Variants in WWC1 observed in about 807,000 individuals in gnomAD.
The protein encoded by WWC1 is WW and C2 domain containing 1.
In WWC1, 55 loss-of-function variants were observed where a neutral mutation model predicts 138.4. That is an observed-to-expected ratio of 0.40 (90% CI 0.32 to 0.50). WWC1 has a LOEUF of 0.50. Among genes scored for constraint, WWC1 ranks in the 20% least tolerant of loss-of-function variants. The pLI is 0.72. For synonymous variants in WWC1, 524 were observed against 564.9 expected, an observed-to-expected ratio of 0.93 and a Z score of 1.03; for missense variants, 1,226 against 1,420.4, an observed-to-expected ratio of 0.86 and a Z score of 2.20.
Position 168,371,499 on chromosome 5 carries a change from A to G in WWC1, c.195A>G (p.Pro65=), listed in dbSNP as rs1170726685. 6.2e-7 allele frequency: 1 copy of G among 1,614,060 alleles called. No homozygotes were observed. Residue 65 remains proline (P), a synonymous_variant, in exon 2 of 23, where the codon CCA becomes CCG. Transcript: ENST00000265293. ...LPLGWEEAYD[P]QVGDYFIDHN... ...TAGGATGGGAAGAGGCATATGACCCACAGGTTGGAGATTACTTCATAGACC... is the reference window on the plus strand; with the variant it reads ...TAGGATGGGAAGAGGCATATGACCCGCAGGTTGGAGATTACTTCATAGACC...
At chr5:168,434,296 C>T (rs987460436) in intron 15 of WWC1, among the ~76,000 whole-genome samples, 1 of 152,112 alleles carries the variant, frequency 6.6e-6, no homozygotes, top group Admixed American at 6.5e-5. Context: ...TTCCCATATA[C>T]GGTGGGGACA....
At position 168,408,542 on chromosome 5, in the gene WWC1, C is replaced by T. The variant is rs200313930; in HGVS notation, c.756C>T (p.Asp252=). ...LAMLKDGFRT[D]RGSHSDLWSS... is the part of the protein sequence containing the mutation. ...TGTTGAAGGACGGCTTCCGCACTGA[C>T]AGGGGGTCTCACTCAGACCTGTGGT... Residue 252 remains aspartate (D), a synonymous_variant, in exon 7 of 23, where the codon GAC becomes GAT. Coordinates refer to ENST00000265293, the MANE Select transcript of WWC1 (RefSeq NM_015238.3). 14 of 1,614,186 alleles carry T rather than the reference C, an allele frequency of 8.7e-6. No homozygotes were observed. Among genetic ancestry groups the T allele is most frequent in the African/African-American group, 5.3e-5 (4 of 75,058 alleles).
At chr5:168,429,413 C>T (rs191266937) in intron 13 of WWC1, among the ~76,000 whole-genome samples, 8 of 152,014 alleles carry the variant, frequency 5.3e-5, no homozygotes, top group African/African-American at 1.9e-4. Flanking sequence ...TGTGTGCCAC[C>T]ACGCCCGGCT....
chr5:168,349,177 A>G (rs1213854155), intron 1 of WWC1, among the ~76,000 whole-genome samples: 1 of 152,046 alleles, frequency 6.6e-6, no homozygotes, highest in Non-Finnish European at 1.5e-5. Context: ...TGATTTCTAA[A>G]AGTCCTTTCA....
intron 12 of WWC1, 70 bp downstream of exon 12, chr5:168,428,211 C>A: frequency 6.8e-7 from 1 of 1,480,998 alleles, no homozygotes; most frequent in South Asian, 1.2e-5. Context: ...AGAGCCTAGG[C>A]CTGTGGAGAG....
Position 168,431,463 on chromosome 5 carries a change from TGGCTGG to T in WWC1, c.2280+20_2280+25del, listed in dbSNP as rs1781934404. ...GTGCCTGGTAAGGGCCGTGTCTGGC[TGGCTGG>T]CTGGCTGGCTGGCTGGCTGGCTGGC... is the stretch of plus-strand genomic sequence containing the variant. On this transcript the variant is annotated intron_variant, in intron 15 of 22. Transcript: ENST00000265293. The T allele has an allele frequency of 1.9e-5, 6 of 310,846 alleles. No individual in the cohort carries two copies. Among genetic ancestry groups the T allele is most frequent in the East Asian group, 6.0e-4 (2 of 3,342 alleles). 19.3% of individuals were successfully genotyped at this position (310,846 alleles called of 1,614,324 possible).
chr5:168,375,435 C>T (rs1690368674), intron 2 of WWC1, among the ~76,000 whole-genome samples: 1 of 152,104 alleles, frequency 6.6e-6, no homozygotes, highest in South Asian at 2.1e-4. Flanking sequence ...GATTTAGCAA[C>T]CTGGGTGACC....
chr5:168,304,339 G>T (rs1380670547), intron 1 of WWC1, among the ~76,000 whole-genome samples: 1 of 152,174 alleles, frequency 6.6e-6, no homozygotes, highest in Non-Finnish European at 1.5e-5. Context: ...AATGACTTTT[G>T]CTGGACAGGA....
chr5:168,382,909 C>G (rs780694176), intron 2 of WWC1, among the ~76,000 whole-genome samples: 7 of 152,126 alleles, frequency 4.6e-5, no homozygotes, highest in Non-Finnish European at 8.8e-5. Context: ...GGCACAGTGC[C>G]TCACGCCTGT....
chr5:168,391,456 C>G (rs1778482834), intron 3 of WWC1, among the ~76,000 whole-genome samples: 3 of 151,916 alleles, frequency 2.0e-5, no homozygotes, highest in Non-Finnish European at 4.4e-5. Flanking sequence ...GTCAGGAGAT[C>G]GAGACCATCC....
At chr5:168,294,498 C>T (rs754462719) in intron 1 of WWC1, among the ~76,000 whole-genome samples, 3 of 152,190 alleles carry the variant, frequency 2.0e-5, no homozygotes, top group Non-Finnish European at 2.9e-5. Context: ...CTCACCTGCC[C>T]AGCCTTTGTT....
At position 168,422,130 on chromosome 5, in the gene WWC1, T is replaced by A. The variant is rs375301224; in HGVS notation, c.1274+33T>A. On this transcript the variant is annotated intron_variant, in intron 10 of 22. Coordinates refer to ENST00000265293, the MANE Select transcript of WWC1 (RefSeq NM_015238.3). Reference sequence around the variant, plus strand: ...GTGGGCGGTGAGGCCACTGCTCCCCTGGGCATGGCCAGACATGGGTGTCCC... The same window carrying A: ...GTGGGCGGTGAGGCCACTGCTCCCCAGGGCATGGCCAGACATGGGTGTCCC... 1.2e-5 allele frequency: 20 copies of A among 1,600,064 alleles called. No homozygotes were observed. The African/African-American group carries it at 1.5e-4, about 12-fold the overall frequency.
chr5:168,416,134 G>T (rs1017934236), intron 9 of WWC1: 1 of 152,194 alleles, frequency 6.6e-6, no homozygotes, highest in Non-Finnish European at 1.5e-5. Context: ...GGTTCCCCAA[G>T]TTCTTGCCTG....
chr5:168,421,938 T>C (rs1416651010), intron 9 of WWC1, 70 bp from the exon 10 acceptor site: 8 of 1,335,592 alleles, frequency 6.0e-6, no homozygotes, highest in East Asian at 2.4e-5. Flanking sequence ...TGGGTCTGGG[T>C]GTACATGGGT....
chr5:168,396,009 G>A (rs1305801874), intron 3 of WWC1, among the ~76,000 whole-genome samples: 4 of 152,202 alleles, frequency 2.6e-5, no homozygotes, highest in Non-Finnish European at 5.9e-5. Context: ...ACAATTGCCA[G>A]CAATCACCAA....
chr5:168,413,436 T>C (rs1780370769), intron 8 of WWC1, among the ~76,000 whole-genome samples: 1 of 152,222 alleles, frequency 6.6e-6, no homozygotes. Context: ...CTCTTAATGC[T>C]GTGTTCTCAC....
intron 1 of WWC1, among the ~76,000 whole-genome samples, chr5:168,357,616 G>C (rs138801680): frequency 1.3e-5 from 2 of 152,072 alleles, no homozygotes; most frequent in African/African-American, 2.4e-5. Context: ...AGTCATCCTC[G>C]CAGTATGAAT....
chr5:168,393,735 G>A (rs1010614358), intron 3 of WWC1, among the ~76,000 whole-genome samples: 1 of 152,132 alleles, frequency 6.6e-6, no homozygotes, highest in Non-Finnish European at 1.5e-5. Context: ...GAAGCCAGCC[G>A]AACACAGAGA....
At chr5:168,332,698 T>C (rs1773135865) in intron 1 of WWC1, among the ~76,000 whole-genome samples, 1 of 151,574 alleles carries the variant, frequency 6.6e-6, no homozygotes, top group African/African-American at 2.4e-5. Context: ...ATGTTTTTGG[T>C]TTTTTCTTTT....
Sources: gnomAD v4.1 joint callset for allele counts (sites outside exome capture counted in the v4.1 genomes callset) on GRCh38, gnomAD v4.1.1 for gene constraint, MANE v1.5 for transcripts, NCBI Gene and HGNC (gene_info 2026-07-23, HGNC 2026-07-21) for gene names.